FGF12: variants seen among roughly 807,000 people sequenced by gnomAD.
FGF12 encodes fibroblast growth factor 12.
A neutral mutation model predicts 23.6 loss-of-function variants in FGF12; 14 were observed. The observed-to-expected ratio is 0.59, with a 90% confidence interval of 0.39 to 0.93. The LOEUF (loss-of-function observed/expected upper bound fraction) is 0.93, where lower values mean the gene tolerates loss of function less well. Among genes scored for constraint, FGF12 ranks in the 40% least tolerant of loss-of-function variants. The pLI, the probability that FGF12 is intolerant of heterozygous loss-of-function variation, is 0.00. For synonymous variants in FGF12, 62 were observed against 77.3 expected, an observed-to-expected ratio of 0.80 and a Z score of 1.04; for missense variants, 175 against 217.8, an observed-to-expected ratio of 0.80 and a Z score of 1.24.
intron 3 of FGF12, among the ~76,000 whole-genome samples, chr3:192,356,324 T>G (rs1397206650): frequency 6.6e-6 from 1 of 152,202 alleles, no homozygotes. Flanking sequence ...ATGCTCTTAA[T>G]ATTTTATTGT....
intron 5 of FGF12, among the ~76,000 whole-genome samples, chr3:192,165,311 T>TAAA (rs35624911): frequency 6.7e-6 from 1 of 149,038 alleles, no homozygotes; most frequent in South Asian, 2.1e-4. Context: ...ATCCCTTCAT[T>TAAA]AAAAAAAAAA....
chr3:192,532,023 T>G (rs1390066818), intron 2 of FGF12, among the ~76,000 whole-genome samples: 1 of 152,224 alleles, frequency 6.6e-6, no homozygotes, highest in Non-Finnish European at 1.5e-5. Context: ...CCCCAATTTA[T>G]GTATTTGTAT....
intron 4 of FGF12, among the ~76,000 whole-genome samples, chr3:192,181,875 G>A (rs543716062): frequency 6.6e-6 from 1 of 151,554 alleles, no homozygotes; most frequent in East Asian, 2.0e-4. Flanking sequence ...AACCCACAGT[G>A]CTGGGATTAC....
At chr3:192,631,992 C>G (rs1384445971) in intron 2 of FGF12, among the ~76,000 whole-genome samples, 1 of 152,162 alleles carries the variant, frequency 6.6e-6, no homozygotes, top group Non-Finnish European at 1.5e-5. Context: ...TTTCAGCTTC[C>G]ATGTTACAAA....
At position 192,143,362 on chromosome 3, in the gene FGF12, T is replaced by C. The variant is rs1713515338; in HGVS notation, c.*647A>G. ...TATTCGATGCCATACAAGATTTTCC[T>C]TTTACATAAAACAATCTTAAATTAC... is the stretch of plus-strand genomic sequence containing the variant. On this transcript the variant is annotated 3_prime_UTR_variant, in exon 6 of 6. Coordinates refer to ENST00000445105, the MANE Select transcript of FGF12 (RefSeq NM_004113.6). 1 of 152,170 alleles carries C rather than the reference T, an allele frequency of 6.6e-6. No homozygotes were observed. Among genetic ancestry groups the C allele is most frequent in the Non-Finnish European group, 1.5e-5 (1 of 68,002 alleles). The allele number at this position is 152,170 out of a possible 1,614,324, so 9.4% of individuals were successfully genotyped here. A position where few individuals can be genotyped will look rare whatever the true frequency, so the allele number is the denominator to read the frequency against.
chr3:192,714,430 T>C (rs1311097447), intron 2 of FGF12, among the ~76,000 whole-genome samples: 2 of 152,108 alleles, frequency 1.3e-5, no homozygotes, highest in Non-Finnish European at 2.9e-5. Flanking sequence ...TATAGCACAG[T>C]TGCAAAATGC....
At chr3:192,185,148 T>C (rs1406137440) in intron 4 of FGF12, among the ~76,000 whole-genome samples, 1 of 152,214 alleles carries the variant, frequency 6.6e-6, no homozygotes, top group East Asian at 1.9e-4. Flanking sequence ...AAATTATCTC[T>C]TTCTCTTCTG....
At chr3:192,574,598 A>G (rs1189546816) in intron 2 of FGF12, among the ~76,000 whole-genome samples, 1 of 152,226 alleles carries the variant, frequency 6.6e-6, no homozygotes, top group Non-Finnish European at 1.5e-5. Flanking sequence ...TCCCCATTCA[A>G]ACCCCTGCAA....
intron 4 of FGF12, among the ~76,000 whole-genome samples, chr3:192,280,788 T>C (rs902272296): frequency 6.6e-6 from 1 of 152,122 alleles, no homozygotes. Flanking sequence ...AACAACAGGA[T>C]AAATAGCAAT....
rs866038610 is a variant in FGF12 at position 192,170,643 on chromosome 3, G to A, written c.242C>T (p.Pro81Leu). The change falls in exon 5 of 6, where the codon CCA becomes CTA. Residue 81 changes from proline (P) to leucine (L), a missense_variant. Physicochemically the swap from Pro to Leu is moderately conservative, Grantham distance 98. Transcript: ENST00000445105. The part of the protein sequence containing the change: ...GYLYSSDVFT[P>L]ECKFKESVFE... ...CACAGATTCCTTGAATTTGCATTCT[G>A]GAGTGAAAACATCCTGTAGGAAAAA... 1.9e-6 allele frequency: 3 copies of A among 1,602,222 alleles called. No individual in the cohort carries two copies. Among genetic ancestry groups the A allele is most frequent in the Non-Finnish European group, 2.5e-6 (3 of 1,176,890 alleles).
At chr3:192,633,417 C>T (rs1269733790) in intron 2 of FGF12, among the ~76,000 whole-genome samples, 2 of 152,184 alleles carry the variant, frequency 1.3e-5, no homozygotes, top group South Asian at 2.1e-4. Context: ...AATTCAGGAT[C>T]CTATTTCCAA....
chr3:192,500,862 A>G (rs1262198475), intron 2 of FGF12, among the ~76,000 whole-genome samples: 1 of 152,176 alleles, frequency 6.6e-6, no homozygotes, highest in Non-Finnish European at 1.5e-5. Flanking sequence ...AAATTGAGGC[A>G]CTGAGGGGTT....
At chr3:192,173,626 CTTT>C (rs1390702741) in intron 4 of FGF12, among the ~76,000 whole-genome samples, 1 of 151,504 alleles carries the variant, frequency 6.6e-6, no homozygotes, top group African/African-American at 2.4e-5. Context: ...AATCCCAAAG[CTTT>C]TTATTATTTT....
At chr3:192,434,181 A>G (rs879459899) in intron 2 of FGF12, among the ~76,000 whole-genome samples, 18 of 152,066 alleles carry the variant, frequency 1.2e-4, no homozygotes, top group Admixed American at 3.3e-4. Context: ...AACAAAACAC[A>G]TGTGAACACC....
In FGF12 at chr3:192,140,885, A is replaced by C. The variant is rs946076049; in HGVS notation, c.*3124T>G. On this transcript the variant is annotated 3_prime_UTR_variant, in exon 6 of 6. Transcript: ENST00000445105. The stretch of plus-strand genomic sequence containing the variant: ...CAAAAGTCTCTGAATTAGCAAATGG[A>C]ACTTCAGCTCCATTTGTTTCTATAC... 6 of 151,896 alleles carry C rather than the reference A, an allele frequency of 4.0e-5. No individual in the cohort carries two copies. Among genetic ancestry groups the C allele is most frequent in the Non-Finnish European group, 5.9e-5 (4 of 67,848 alleles). 9.4% of individuals were successfully genotyped at this position (151,896 alleles called of 1,614,324 possible). A position where few individuals can be genotyped will look rare whatever the true frequency, so the allele number is the denominator to read the frequency against.
intron 2 of FGF12, among the ~76,000 whole-genome samples, chr3:192,525,619 T>A (rs952656059): frequency 6.6e-6 from 1 of 152,134 alleles, no homozygotes; most frequent in African/African-American, 2.4e-5. Flanking sequence ...AAAACTTAAG[T>A]CCCTAAAGAA....
At chr3:192,713,722 A>T (rs1015038125) in intron 2 of FGF12, among the ~76,000 whole-genome samples, 3 of 152,174 alleles carry the variant, frequency 2.0e-5, no homozygotes, top group African/African-American at 7.2e-5. Flanking sequence ...GCTGACCTTC[A>T]TCTTCAAAAT....
chr3:192,369,343 A>G (rs1243105319), intron 2 of FGF12, among the ~76,000 whole-genome samples: 1 of 152,200 alleles, frequency 6.6e-6, no homozygotes, highest in Non-Finnish European at 1.5e-5. Flanking sequence ...TGTCCTGCAC[A>G]CTGAACACAG....
At chr3:192,211,583 G>A (rs1717934356) in intron 4 of FGF12, among the ~76,000 whole-genome samples, 2 of 151,794 alleles carry the variant, frequency 1.3e-5, no homozygotes, top group African/African-American at 2.4e-5. Flanking sequence ...CCCCCACCAC[G>A]CCTAGCTAAA....
Sources: allele counts gnomAD v4.1 joint callset (sites outside exome capture counted in the v4.1 genomes callset), GRCh38; gene constraint gnomAD v4.1.1; transcripts MANE v1.5; gene names NCBI Gene and HGNC (gene_info 2026-07-23, HGNC 2026-07-21).